Variants in FNBP1 observed in about 807,000 individuals in gnomAD.
The protein encoded by FNBP1 is formin binding protein 1, also known as formin-binding protein 1.
A neutral mutation model predicts 90.6 loss-of-function variants in FNBP1; 26 were observed. That is an observed-to-expected ratio of 0.29 (90% CI 0.21 to 0.40). The LOEUF (loss-of-function observed/expected upper bound fraction) is 0.40, where lower values mean the gene tolerates loss of function less well. FNBP1 is among the 10% of genes least tolerant of loss of function. FNBP1 has a pLI of 1.00. For missense variants in FNBP1, 635 were observed against 768.0 expected (o/e 0.83, Z 2.05); for synonymous variants, 260 against 265.2 (o/e 0.98, Z 0.19).
intron 1 of FNBP1, among the ~76,000 whole-genome samples, chr9:130,009,219 C>T (rs1375710749): frequency 1.3e-5 from 2 of 152,200 alleles, no homozygotes; most frequent in East Asian, 1.9e-4. Context: ...TCACTTCCCA[C>T]TTTAAGATGG....
intron 6 of FNBP1, among the ~76,000 whole-genome samples, chr9:129,937,590 G>A (rs1331169267): frequency 6.9e-6 from 1 of 144,018 alleles, no homozygotes; most frequent in African/African-American, 2.6e-5. Flanking sequence ...AATTAGCTGG[G>A]TGTGGTGGCA....
rs2059864860 is a variant in FNBP1 at position 130,042,004 on chromosome 9, C to T, written c.24+948G>A. ...TTCAGTGCAGTAACTGAGATTTCGT[C>T]TGCTCCTTCCCGGGCCGCCGCACTG... On this transcript the variant is annotated intron_variant, in intron 1 of 16. Coordinates refer to ENST00000446176, the MANE Select transcript of FNBP1 (RefSeq NM_015033.3). The surrounding 1 kb of genome is among the most constrained non-coding windows in gnomAD (Gnocchi z 5.5). 6.6e-6 allele frequency among the ~76,000 whole-genome samples: 1 copy of T among 152,096 alleles called. No individual in the cohort carries two copies. Among genetic ancestry groups the T allele is most frequent in the African/African-American group, 2.4e-5 (1 of 41,398 alleles).
At chr9:129,928,666 A>G (rs952760863) in intron 7 of FNBP1, among the ~76,000 whole-genome samples, 16 of 150,062 alleles carry the variant, frequency 1.1e-4, no homozygotes, top group Non-Finnish European at 2.4e-4. Context: ...ATCTCAAAAA[A>G]AAAAAAGAAA....
intron 1 of FNBP1, among the ~76,000 whole-genome samples, chr9:130,027,110 T>C (rs2058419579): frequency 6.6e-6 from 1 of 152,016 alleles, no homozygotes; most frequent in South Asian, 2.1e-4. Context: ...CTAAAGGAAA[T>C]TGCAATGAAA....
intron 1 of FNBP1, among the ~76,000 whole-genome samples, chr9:130,014,738 C>A (rs184259340): frequency 5.9e-5 from 9 of 152,018 alleles, no homozygotes; most frequent in Admixed American, 4.6e-4. Flanking sequence ...GTCACTTGAG[C>A]CTCTGCCAAT....
chr9:129,925,186 A>ACGC, intron 8 of FNBP1, 29 bp from the exon 9 acceptor site: 1 of 1,564,396 alleles, frequency 6.4e-7, no homozygotes, highest in Non-Finnish European at 8.8e-7. Context: ...GCATATAAAT[A>ACGC]CATTCAGAAG....
chr9:129,900,479 C>T lies in FNBP1; in HGVS notation c.1497G>A (p.Leu499=). The stretch of plus-strand genomic sequence containing the variant: ...CTGTGGGTGGGTTCTGGCTGTCGTA[C>T]AGTCCGCTCTGCCGGCGCGCCTGCT... ...RSEQARRQSG[L]YDSQNPPTVN... Residue 499 remains leucine (L), a synonymous_variant, in exon 14 of 17, where the codon CTG becomes CTA. Transcript: ENST00000446176. The surrounding 1 kb of genome is among the most constrained non-coding windows in gnomAD (Gnocchi z 4.1). The T allele has an allele frequency of 6.2e-7, 1 of 1,604,570 alleles. No homozygotes were observed. The highest frequency in any genetic ancestry group is 1.1e-5 in the South Asian group (1 of 89,430).
intron 1 of FNBP1, among the ~76,000 whole-genome samples, chr9:130,018,961 A>C (rs772262828): frequency 6.6e-6 from 1 of 152,142 alleles, no homozygotes; most frequent in Non-Finnish European, 1.5e-5. Context: ...ACAGAGACTC[A>C]CGCCTGTAAT....
chr9:129,994,118 A>G (rs1351361491), intron 2 of FNBP1, among the ~76,000 whole-genome samples: 1 of 152,200 alleles, frequency 6.6e-6, no homozygotes, highest in Non-Finnish European at 1.5e-5. Flanking sequence ...AAAGCCTTGT[A>G]CAATAATGCT....
chr9:129,894,263 C>T (rs146468787), intron 16 of FNBP1, among the ~76,000 whole-genome samples: 2 of 152,148 alleles, frequency 1.3e-5, no homozygotes, highest in African/African-American at 4.8e-5. Flanking sequence ...GAAATGGGCA[C>T]AGTGAAATGC....
intron 5 of FNBP1, among the ~76,000 whole-genome samples, chr9:129,958,213 C>G (rs1000367945): frequency 1.2e-4 from 19 of 152,116 alleles, no homozygotes; most frequent in South Asian, 2.1e-4. Context: ...GGGCGAATCA[C>G]TTCAGGGCAG....
rs543067978 is a variant in FNBP1, at chr9:129,994,787, C to T, written c.140+56G>A. 3.1e-4 allele frequency: 249 copies of T among 793,410 alleles called. 1 individual carries two copies. The Admixed American group carries it at 3.5e-3, about 11-fold the overall frequency. 49.1% of individuals were successfully genotyped at this position (793,410 alleles called of 1,614,324 possible). A position where few individuals can be genotyped will look rare whatever the true frequency, so the allele number is the denominator to read the frequency against. On this transcript the variant is annotated intron_variant, in intron 2 of 16. Transcript: ENST00000446176. ...ATTTATACTGTAAAATGAGAATATA[C>T]GTTATCCTTACATCATTTTGCAGTT...
At chr9:130,012,110 A>G (rs893473474) in intron 1 of FNBP1, among the ~76,000 whole-genome samples, 5 of 152,204 alleles carry the variant, frequency 3.3e-5, no homozygotes, top group African/African-American at 9.6e-5. Flanking sequence ...ATGACTTTTG[A>G]TTTAGGATAG....
chr9:129,925,388 CCCAG>C (rs1376458213), intron 8 of FNBP1, among the ~76,000 whole-genome samples: 1 of 151,420 alleles, frequency 6.6e-6, no homozygotes, highest in African/African-American at 2.4e-5. Flanking sequence ...CGCCTGTAGT[CCCAG>C]CTACTCAGGA....
the FNBP1 span, chr9:130,053,614 A>G: frequency 2.5e-6 from 1 of 393,242 alleles, no homozygotes; most frequent in Non-Finnish European, 4.6e-6. Context: ...GGGTCCCCGG[A>G]GCCCAAGGTC....
intron 1 of FNBP1, among the ~76,000 whole-genome samples, chr9:130,001,157 C>G (rs998158918): frequency 6.6e-6 from 1 of 151,766 alleles, no homozygotes; most frequent in Non-Finnish European, 1.5e-5. Context: ...GTGGTGAAAC[C>G]CCATCTCTAC....
chr9:129,964,720 ACT>A (rs1564449659), intron 4 of FNBP1, among the ~76,000 whole-genome samples: 5 of 152,094 alleles, frequency 3.3e-5, no homozygotes, highest in African/African-American at 1.2e-4. Flanking sequence ...GAACAGACAA[ACT>A]CACACAAATG....
chr9:130,046,447 G>A (rs997154339), upstream of FNBP1, among the ~76,000 whole-genome samples: 8 of 151,812 alleles, frequency 5.3e-5, no homozygotes, highest in African/African-American at 1.9e-4. Flanking sequence ...AGTCCCTAGA[G>A]AGTTGGCCGG....
At position 129,908,917 on chromosome 9, in the gene FNBP1, T is replaced by A; in HGVS notation, c.1268A>T (p.Lys423Ile). Reference protein sequence around the residue: ...KLQQKVDELNKEIQKEMDQRD... With the variant: ...KLQQKVDELNIEIQKEMDQRD... ...TTGATCCATCTCCTTCTGAATTTCT[T>A]TATTTAACTCATCGACTTTCTGCTG... The change falls in exon 12 of 17, where the codon AAA (lysine) becomes ATA (isoleucine). Residue 423 changes from lysine to isoleucine, a missense_variant. Coordinates refer to ENST00000446176, the MANE Select transcript of FNBP1 (RefSeq NM_015033.3). The A allele has an allele frequency of 6.2e-7, 1 of 1,613,016 alleles. No individual in the cohort carries two copies. Among genetic ancestry groups the A allele is most frequent in the Non-Finnish European group, 8.5e-7 (1 of 1,179,308 alleles).
Sources: gnomAD v4.1 joint callset for allele counts (sites outside exome capture counted in the v4.1 genomes callset) on GRCh38, gnomAD v4.1.1 for gene constraint, Gnocchi (gnomAD v3.1) non-coding constraint, MANE v1.5 for transcripts, NCBI Gene and HGNC (gene_info 2026-07-23, HGNC 2026-07-21) for gene names.